The following MECOM variants were observed in gnomAD, a reference collection of about 807,000 sequenced individuals.
MECOM encodes MDS1 and EVI1 complex locus, also known as histone-lysine N-methyltransferase MECOM.
A neutral mutation model predicts 116.3 loss-of-function variants in MECOM; 13 were observed. The observed-to-expected ratio is 0.11, with a 90% CI of 0.07 to 0.18. The LOEUF (loss-of-function observed/expected upper bound fraction) is 0.18, where lower values mean the gene tolerates loss of function less well. Ranked by LOEUF, MECOM falls within the 10% of genes least tolerant of loss-of-function variation. The pLI, the probability that MECOM is intolerant of heterozygous loss-of-function variation, is 1.00. For missense variants in MECOM, 1,299 were observed against 1,509.0 expected, an observed-to-expected ratio of 0.86 and a Z score of 2.31; for synonymous variants, 528 against 535.2, an observed-to-expected ratio of 0.99 and a Z score of 0.19.
At chr3:169,393,014 A>C (rs1734473048) in intron 1 of MECOM, among the ~76,000 whole-genome samples, 1 of 152,132 alleles carries the variant, frequency 6.6e-6, no homozygotes, top group African/African-American at 2.4e-5. Context: ...AGAAAACAGC[A>C]CAGAGTAGTG....
chr3:169,324,276 C>T (rs1422083079), intron 2 of MECOM, among the ~76,000 whole-genome samples: 2 of 152,168 alleles, frequency 1.3e-5, no homozygotes, highest in African/African-American at 2.4e-5. Flanking sequence ...CAAGCACACT[C>T]TCGTGTAGTG....
intron 8 of MECOM, among the ~76,000 whole-genome samples, chr3:169,114,626 T>C (rs1429029312): frequency 6.6e-6 from 1 of 151,964 alleles, no homozygotes; most frequent in Non-Finnish European, 1.5e-5. Context: ...GTGAAAATGT[T>C]TGTAATATTC....
chr3:169,661,651 G>A (rs994884501), intron 1 of MECOM, among the ~76,000 whole-genome samples: 7 of 152,190 alleles, frequency 4.6e-5, no homozygotes, highest in African/African-American at 1.7e-4. Flanking sequence ...ACAGCATCTC[G>A]CGGGGCTACA....
At chr3:169,293,892 C>A (rs1246574860) in intron 2 of MECOM, among the ~76,000 whole-genome samples, 4 of 152,188 alleles carry the variant, frequency 2.6e-5, no homozygotes, top group Non-Finnish European at 5.9e-5. Flanking sequence ...ACTGAAATAA[C>A]CTGATCACAG....
At chr3:169,374,009 A>G (rs148473319) in intron 2 of MECOM, among the ~76,000 whole-genome samples, 160 of 152,032 alleles carry the variant, frequency 1.1e-3, no homozygotes, top group Non-Finnish European at 1.8e-3. Flanking sequence ...CATTAGGGCT[A>G]TTTTTGGAAA....
At chr3:169,248,798 G>A (rs1330146891) in intron 2 of MECOM, among the ~76,000 whole-genome samples, 2 of 152,164 alleles carry the variant, frequency 1.3e-5, no homozygotes, top group African/African-American at 2.4e-5. Context: ...TGTAAGTAGG[G>A]CATAGTAAGT....
chr3:169,396,083 C>A (rs1383755419), intron 1 of MECOM, among the ~76,000 whole-genome samples: 2 of 152,180 alleles, frequency 1.3e-5, no homozygotes, highest in Non-Finnish European at 1.5e-5. Flanking sequence ...TATGGCATTT[C>A]TAGAATTAGT....
chr3:169,086,027 G>A (rs1299998331), intron 16 of MECOM, among the ~76,000 whole-genome samples: 1 of 152,176 alleles, frequency 6.6e-6, no homozygotes, highest in Non-Finnish European at 1.5e-5. Context: ...TCTGTTGTTA[G>A]GCAGAATTTC....
intron 1 of MECOM, among the ~76,000 whole-genome samples, chr3:169,560,376 G>C (rs549930367): frequency 6.6e-6 from 1 of 152,018 alleles, no homozygotes; most frequent in Non-Finnish European, 1.5e-5. Context: ...GACTTATGCT[G>C]GACTCCCTTG....
intron 2 of MECOM, among the ~76,000 whole-genome samples, chr3:169,357,403 G>A (rs1727450026): frequency 6.6e-6 from 1 of 151,790 alleles, no homozygotes; most frequent in South Asian, 2.1e-4. Flanking sequence ...TCTACCTCCT[G>A]TTTGCAGTCA....
intron 2 of MECOM, among the ~76,000 whole-genome samples, chr3:169,275,729 T>C (rs1759497484): frequency 1.3e-5 from 2 of 152,210 alleles, no homozygotes; most frequent in African/African-American, 4.8e-5. Context: ...AACTATACCA[T>C]GTGAGTTACA....
intron 1 of MECOM, among the ~76,000 whole-genome samples, chr3:169,659,085 A>AG (rs1185782099): frequency 0.041 from 6,156 of 151,170 alleles, 374 homozygotes; most frequent in African/African-American, 0.12. Flanking sequence ...AAAAAAAAAA[A>AG]AAAAAAGAAA....
At chr3:169,139,021 T>C (rs1388573916) in intron 3 of MECOM, among the ~76,000 whole-genome samples, 1 of 152,066 alleles carries the variant, frequency 6.6e-6, no homozygotes, top group East Asian at 1.9e-4. Flanking sequence ...TAAAACTTTA[T>C]AAGGTAAAGC....
intron 2 of MECOM, among the ~76,000 whole-genome samples, chr3:169,210,291 A>C (rs550493293): frequency 1.3e-3 from 194 of 152,184 alleles, no homozygotes; most frequent in Non-Finnish European, 2.1e-3. Flanking sequence ...TGGCACATGT[A>C]TAGCTATGTA....
chr3:169,518,298 T>C lies in MECOM; in HGVS notation c.38-136774A>G, dbSNP rs112844402. Among the ~76,000 whole-genome samples the C allele has an allele frequency of 7.6e-3, 1,148 of 151,846 alleles. 17 individuals are homozygous for C. Among genetic ancestry groups the C allele is most frequent in the African/African-American group, 0.026 (1,065 of 41,484 alleles). ...AAGAAAAGAAAACAGTTGACAGGTA[T>C]AGTACTGGTGTTCTCCAATTTAATT... On this transcript the variant is annotated intron_variant, in intron 1 of 16. Transcript: ENST00000651503.
chr3:169,461,968 C>T (rs78927444), intron 1 of MECOM, among the ~76,000 whole-genome samples: 5,400 of 152,212 alleles, frequency 0.035, 166 homozygotes, highest in Non-Finnish European at 0.048. Context: ...CTTCTTTCTT[C>T]ATCTTTGTTA....
At chr3:169,166,836 A>G (rs1438455991) in intron 2 of MECOM, among the ~76,000 whole-genome samples, 1 of 152,218 alleles carries the variant, frequency 6.6e-6, no homozygotes, top group Non-Finnish European at 1.5e-5. Context: ...ATAATTATTG[A>G]TTGATTGAGA....
chr3:169,606,425 A>G (rs992108257), intron 1 of MECOM, among the ~76,000 whole-genome samples: 4 of 150,690 alleles, frequency 2.7e-5, no homozygotes, highest in Admixed American at 1.3e-4. Context: ...AAAAAAAAAG[A>G]AAAAGAAATG....
intron 3 of MECOM, among the ~76,000 whole-genome samples, chr3:169,140,811 A>AT (rs201998979): frequency 0.055 from 3,263 of 59,746 alleles, 122 homozygotes; most frequent in African/African-American, 0.15. Flanking sequence ...GGTTGCTTTC[A>AT]TTTTTATTTT....
Sources: allele counts gnomAD v4.1 joint callset (sites outside exome capture counted in the v4.1 genomes callset), GRCh38; gene constraint gnomAD v4.1.1; transcripts MANE v1.5; gene names NCBI Gene and HGNC (gene_info 2026-07-23, HGNC 2026-07-21).